Variants in PREX2 observed in about 807,000 individuals in gnomAD.
PREX2 encodes the protein phosphatidylinositol-3,4,5-trisphosphate dependent Rac exchange factor 2, also known as phosphatidylinositol 3,4,5-trisphosphate-dependent Rac exchanger 2 protein.
Under a neutral mutation model 203.2 loss-of-function variants are expected in PREX2, and 107 were observed. That is an observed-to-expected ratio of 0.53 (90% CI 0.45 to 0.62). The LOEUF (loss-of-function observed/expected upper bound fraction) is 0.62. Among genes scored for constraint, PREX2 ranks in the 20% least tolerant of loss-of-function variants. PREX2 has a pLI of 0.00. For synonymous variants in PREX2, 672 were observed against 663.6 expected, an observed-to-expected ratio of 1.01 and a Z score of -0.19; for missense variants, 1,777 against 1,955.9, an observed-to-expected ratio of 0.91 and a Z score of 1.72.
At chr8:68,021,666 A>G (rs751783429) in intron 3 of PREX2, among the ~76,000 whole-genome samples, 16 of 152,170 alleles carry the variant, frequency 1.1e-4, no homozygotes, top group Non-Finnish European at 2.2e-4. Context: ...TCTTTCTTCT[A>G]CATACATTCC....
intron 35 of PREX2, among the ~76,000 whole-genome samples, chr8:68,170,543 C>T (rs1253934664): frequency 6.6e-6 from 1 of 152,172 alleles, no homozygotes; most frequent in Non-Finnish European, 1.5e-5. Context: ...TTTTTGACCC[C>T]AGTGAATAAA....
intron 7 of PREX2, among the ~76,000 whole-genome samples, chr8:68,039,312 G>T (rs1264623315): frequency 6.6e-6 from 1 of 152,070 alleles, no homozygotes; most frequent in Non-Finnish European, 1.5e-5. Flanking sequence ...TCACTTTTCT[G>T]CTCTTTAAGG....
At position 68,108,026 on chromosome 8, in the gene PREX2, G is replaced by A. The variant is rs1208500516; in HGVS notation, c.2716-83G>A. On this transcript the variant is annotated intron_variant, in intron 23 of 39. Coordinates refer to ENST00000288368, the MANE Select transcript of PREX2 (RefSeq NM_024870.4). ...CATGATTTAATTTGCCTTTGATTTTGTTGTGAATGATGCAAGTGAAAAAAA... is the reference window on the plus strand; with the variant it reads ...CATGATTTAATTTGCCTTTGATTTTATTGTGAATGATGCAAGTGAAAAAAA... The A allele has an allele frequency of 3.7e-6, 3 of 814,276 alleles. No homozygotes were observed. The African/African-American group carries it at 5.2e-5, about 14-fold the overall frequency. 50.4% of individuals were successfully genotyped at this position (814,276 alleles called of 1,614,324 possible).
intron 35 of PREX2, among the ~76,000 whole-genome samples, chr8:68,187,872 G>A (rs573433548): frequency 9.9e-5 from 15 of 152,198 alleles, no homozygotes; most frequent in Non-Finnish European, 1.9e-4. Flanking sequence ...CTACACTGAG[G>A]CCTCTGGCCT....
At chr8:68,173,086 T>C (rs1265936521) in intron 35 of PREX2, among the ~76,000 whole-genome samples, 1 of 152,188 alleles carries the variant, frequency 6.6e-6, no homozygotes, top group Non-Finnish European at 1.5e-5. Flanking sequence ...TCAATACATA[T>C]TGAAGGCAAC....
intron 13 of PREX2, among the ~76,000 whole-genome samples, chr8:68,071,220 A>G (rs146848360): frequency 1.0e-3 from 156 of 152,282 alleles, no homozygotes; most frequent in African/African-American, 3.5e-3. Context: ...TAAAAATGAC[A>G]ATTGTTTTTG....
At position 68,134,110 on chromosome 8, in the gene PREX2, C is replaced by A. The variant is rs775225179; in HGVS notation, c.3818C>A (p.Ala1273Asp). 3 of 1,614,006 alleles carry A rather than the reference C, an allele frequency of 1.9e-6. No homozygotes were observed. The highest frequency in any genetic ancestry group is 2.5e-6 in the Non-Finnish European group (3 of 1,180,002). ...RDMVFCQTLV[A>D]TVCAFSEQLM... The stretch of plus-strand genomic sequence containing the variant: ...ATGGTTTTCTGCCAGACTCTTGTGG[C>A]CACTGTCTGTGCCTTCTCTGAGCAG... The change falls in exon 32 of 40, where the codon GCC (alanine) becomes GAC (aspartate). Residue 1273 changes from alanine (A) to aspartate (D), a missense_variant. By Grantham distance (126) the Ala-to-Asp change is moderately radical. Transcript: ENST00000288368.
chr8:68,045,226 GA>G (rs35054542), intron 8 of PREX2, among the ~76,000 whole-genome samples: 67 of 147,040 alleles, frequency 4.6e-4, no homozygotes, highest in East Asian at 1.4e-3. Context: ...CTTTCTATTT[GA>G]AAAAAAAAAG....
chr8:68,158,259 A>G (rs1811585274), intron 35 of PREX2, among the ~76,000 whole-genome samples: 1 of 151,904 alleles, frequency 6.6e-6, no homozygotes, highest in African/African-American at 2.4e-5. Flanking sequence ...TTATTTTTAA[A>G]AGAAAAAATA....
chr8:68,105,027 G>A (rs1810366166), intron 23 of PREX2: 3 of 753,648 alleles, frequency 4.0e-6, no homozygotes, highest in Admixed American at 5.2e-5. Flanking sequence ...TGTTTCCTTT[G>A]ATGTTGCTAA....
chr8:68,096,521 C>T (rs1213438594), intron 21 of PREX2, among the ~76,000 whole-genome samples: 1 of 152,144 alleles, frequency 6.6e-6, no homozygotes, highest in African/African-American at 2.4e-5. Flanking sequence ...TCTCAATGAG[C>T]CCTCTCTGTA....
At chr8:68,167,097 T>A (rs1481527397) in intron 35 of PREX2, among the ~76,000 whole-genome samples, 13 of 152,198 alleles carry the variant, frequency 8.5e-5, no homozygotes, top group Admixed American at 8.5e-4. Flanking sequence ...ATCTCCTTGT[T>A]GGGAAGAACC....
intron 1 of PREX2, among the ~76,000 whole-genome samples, chr8:67,977,878 C>A (rs925513709): frequency 6.6e-6 from 1 of 152,162 alleles, no homozygotes; most frequent in African/African-American, 2.4e-5. Context: ...CTCGCACAAA[C>A]CTGCCCTATG....
At chr8:68,031,714 T>C (rs1346835064) in intron 6 of PREX2, among the ~76,000 whole-genome samples, 1 of 152,224 alleles carries the variant, frequency 6.6e-6, no homozygotes, top group African/African-American at 2.4e-5. Context: ...GCATGAATGC[T>C]GCCTCTTTCA....
At chr8:67,966,366 C>T (rs2129018147) in intron 1 of PREX2, among the ~76,000 whole-genome samples, 1 of 151,904 alleles carries the variant, frequency 6.6e-6, no homozygotes, top group East Asian at 1.9e-4. Context: ...TTCAAAGTTC[C>T]AACTCCTCTA....
chr8:68,158,797 C>T (rs1335384927), intron 35 of PREX2, among the ~76,000 whole-genome samples: 1 of 152,166 alleles, frequency 6.6e-6, no homozygotes, highest in South Asian at 2.1e-4. Context: ...TCTCTCATTT[C>T]CCCCTTTTGA....
At chr8:68,080,353 G>T in intron 15 of PREX2, 90 bp from the exon 16 acceptor site, 1 of 1,109,148 alleles carries the variant, frequency 9.0e-7, no homozygotes, top group Non-Finnish European at 1.4e-6. Flanking sequence ...GGTTATGGGT[G>T]CAGGTATTAA....
chr8:68,072,754 A>T (rs6986296), intron 14 of PREX2, among the ~76,000 whole-genome samples, 184 bp downstream of exon 14: 1 of 152,078 alleles, frequency 6.6e-6, no homozygotes, highest in South Asian at 2.1e-4. Context: ...CTCAAACTTC[A>T]CTTTTGTGTT....
chr8:68,227,817 G>A (rs568959588), intron 39 of PREX2, among the ~76,000 whole-genome samples: 3 of 152,284 alleles, frequency 2.0e-5, no homozygotes, highest in African/African-American at 7.2e-5. Context: ...AGAAAGCAGA[G>A]TATCAGAGTT....
Sources: gnomAD v4.1 joint callset for allele counts (sites outside exome capture counted in the v4.1 genomes callset) on GRCh38, gnomAD v4.1.1 for gene constraint, MANE v1.5 for transcripts, NCBI Gene and HGNC (gene_info 2026-07-23, HGNC 2026-07-21) for gene names.